The following PPT2 variants were observed in gnomAD, a reference collection of about 807,000 sequenced individuals.
PPT2 encodes lysosomal thioesterase PPT2.
Under a neutral mutation model 37.3 loss-of-function variants are expected in PPT2, and 20 were observed. That is an observed-to-expected ratio of 0.54 (90% confidence interval 0.38 to 0.78). The LOEUF is 0.78. Among genes scored for constraint, PPT2 ranks in the 30% least tolerant of loss-of-function variants. The pLI is 0.00. For synonymous variants in PPT2, 135 were observed against 159.1 expected, an observed-to-expected ratio of 0.85 and a Z score of 1.14; for missense variants, 270 against 389.8, an observed-to-expected ratio of 0.69 and a Z score of 2.59.
chr6:32,162,964 G>T lies in PPT2; in HGVS notation c.*14G>T, dbSNP rs769773534. 6.2e-7 allele frequency: 1 copy of T among 1,605,218 alleles called. No individual in the cohort carries two copies. The highest frequency in any genetic ancestry group is 1.1e-5 in the South Asian group (1 of 89,714). ...TGGCTCTCCTGAGGATATATTCAGG[G>T]GTCCCCAGGAACTCCTCGGTCCAGA... On this transcript the variant is annotated 3_prime_UTR_variant, in exon 9 of 9. Transcript: ENST00000324816. This position sits in a 1 kb window ranked among gnomAD's most constrained non-coding sequence, Gnocchi z 5.5.
rs373180288 is a variant in PPT2 at position 32,155,824 on chromosome 6, G to A, written c.433+41G>A. ...ACTCCATAGAATGCCCTGAGTTTTGGGGGAACAGAGGTTTATGGTCACTTA... is the reference window on the plus strand; with the variant it reads ...ACTCCATAGAATGCCCTGAGTTTTGAGGGAACAGAGGTTTATGGTCACTTA... On this transcript the variant is annotated intron_variant, in intron 4 of 8. Coordinates refer to ENST00000324816, the MANE Select transcript of PPT2 (RefSeq NM_005155.7). This position sits in a 1 kb window ranked among gnomAD's most constrained non-coding sequence, Gnocchi z 4.3. The A allele has an allele frequency of 2.5e-6, 4 of 1,610,948 alleles. No homozygotes were observed. The African/African-American group carries it at 5.3e-5, about 21-fold the overall frequency.
rs200761548 is a variant in PPT2 at position 32,162,745 on chromosome 6, C to T, written c.766-62C>T. 2.9e-4 allele frequency: 456 copies of T among 1,595,856 alleles called. 1 individual carries two copies. The highest frequency in any genetic ancestry group is 2.5e-3 in the Middle Eastern group (15 of 6,014). On this transcript the variant is annotated intron_variant, in intron 8 of 8. Coordinates refer to ENST00000324816, the MANE Select transcript of PPT2 (RefSeq NM_005155.7). The surrounding 1 kb of genome is among the most constrained non-coding windows in gnomAD (Gnocchi z 5.5). ...AGGAGGTCCAGGATCCCAGCAGTAACTCACTTTGTCTCTCCTTGTGTCTCT... is the reference window on the plus strand; with the variant it reads ...AGGAGGTCCAGGATCCCAGCAGTAATTCACTTTGTCTCTCCTTGTGTCTCT...
intron 7 of PPT2, 52 bp downstream of exon 7, chr6:32,157,976 C>T: frequency 6.8e-7 from 1 of 1,475,492 alleles, no homozygotes; most frequent in Non-Finnish European, 9.4e-7. Flanking sequence ...CCCCCAACCC[C>T]AGTTGGTCTT....
Position 32,162,982 on chromosome 6 carries a change from G to A in PPT2, c.*32G>A, listed in dbSNP as rs1273309946. The A allele has an allele frequency of 1.1e-5, 18 of 1,591,584 alleles. No individual in the cohort carries two copies. The highest frequency in any genetic ancestry group is 3.4e-5 in the South Asian group (3 of 88,288). On this transcript the variant is annotated 3_prime_UTR_variant, in exon 9 of 9. Transcript: ENST00000324816. The surrounding 1 kb of genome is among the most constrained non-coding windows in gnomAD (Gnocchi z 5.5). ...ATTCAGGGGTCCCCAGGAACTCCTC[G>A]GTCCAGAGACCAAGTGGTGGCCTTG...
intron 7 of PPT2, among the ~76,000 whole-genome samples, chr6:32,159,134 G>A (rs538301655): frequency 4.5e-4 from 68 of 151,928 alleles, no homozygotes; most frequent in Non-Finnish European, 8.5e-4. Flanking sequence ...AACTGAAACC[G>A]TATACCCATT....
Position 32,163,224 on chromosome 6 carries a change from G to A in PPT2, c.*274G>A. 1 of 443,706 alleles carries A rather than the reference G, an allele frequency of 2.3e-6. No individual in the cohort carries two copies. Among genetic ancestry groups the A allele is most frequent in the Admixed American group, 3.9e-5 (1 of 25,700 alleles). The allele number at this position is 443,706 out of a possible 1,614,324, so 27.5% of individuals were successfully genotyped here. ...TCCCTTTCTCTCAAGGCCGAAGTTGGGAAGTGAGAAACCATGTTTTTAACT... is the reference window on the plus strand; with the variant it reads ...TCCCTTTCTCTCAAGGCCGAAGTTGAGAAGTGAGAAACCATGTTTTTAACT... On this transcript the variant is annotated 3_prime_UTR_variant, in exon 9 of 9. Transcript: ENST00000324816.
In PPT2 at chr6:32,162,227, C is replaced by G. The variant is rs1349402866; in HGVS notation, c.711-341C>G. Among the ~76,000 whole-genome samples, 1 of 151,658 alleles carries G rather than the reference C, an allele frequency of 6.6e-6. No individual in the cohort carries two copies. Among genetic ancestry groups the G allele is most frequent in the Non-Finnish European group, 1.5e-5 (1 of 67,900 alleles). On this transcript the variant is annotated intron_variant, in intron 7 of 8. Transcript: ENST00000324816. The surrounding 1 kb of genome is among the most constrained non-coding windows in gnomAD (Gnocchi z 5.5). Reference sequence around the variant, plus strand: ...TCTTTTTTCTTTCCTTTTTCCTTTCCTTTCCTTTTTGAGATGGGGTCCCGC... The same window carrying G: ...TCTTTTTTCTTTCCTTTTTCCTTTCGTTTCCTTTTTGAGATGGGGTCCCGC...
upstream of PPT2, chr6:32,153,829 C>T (rs1351901513): frequency 1.5e-5 from 16 of 1,038,330 alleles, no homozygotes; most frequent in Non-Finnish European, 2.7e-6. The surrounding 1 kb of genome is among the most constrained non-coding windows in gnomAD (Gnocchi z 4.4). Flanking sequence ...TGCTGCGGAG[C>T]CAGACGCCTG....
upstream of PPT2, chr6:32,153,833 A>G: frequency 9.6e-7 from 1 of 1,038,670 alleles, no homozygotes; most frequent in Middle Eastern, 3.2e-4. The surrounding 1 kb of genome is among the most constrained non-coding windows in gnomAD (Gnocchi z 4.4). Context: ...GCGGAGCCAG[A>G]CGCCTGTATT....
At chr6:32,158,224 C>A in intron 7 of PPT2, 1 of 376,240 alleles carries the variant, frequency 2.7e-6, no homozygotes, top group Non-Finnish European at 4.8e-6. Flanking sequence ...GATAGTATAG[C>A]AAGGCCCTTC....
In PPT2 at chr6:32,162,555, A is replaced by G. The variant is rs1253194790; in HGVS notation, c.711-13A>G. 6.2e-7 allele frequency: 1 copy of G among 1,604,678 alleles called. No individual in the cohort carries two copies. Among genetic ancestry groups the G allele is most frequent in the Non-Finnish European group, 8.5e-7 (1 of 1,171,646 alleles). On this transcript the variant is annotated splice_polypyrimidine_tract_variant and intron_variant, in intron 7 of 8. Transcript: ENST00000324816. This position sits in a 1 kb window ranked among gnomAD's most constrained non-coding sequence, Gnocchi z 5.5. ...CAGCTCTTCTGATAACCTCCCCCCA[A>G]ATCTCTTTGTAGCTTCTTTGGTTTC... is the stretch of plus-strand genomic sequence containing the variant.
intron 7 of PPT2, among the ~76,000 whole-genome samples, chr6:32,159,453 T>A (rs6905227): frequency 0.64 from 48,311 of 74,994 alleles, 14,918 homozygotes; most frequent in East Asian, 0.68. Flanking sequence ...AAAAAAAAAA[T>A]ATATATATAT....
rs1309124082 is a variant in PPT2, at chr6:32,155,551, T to A, written c.338-137T>A. The A allele has an allele frequency of 5.1e-6, 4 of 781,362 alleles. No individual in the cohort carries two copies. The African/African-American group carries it at 5.2e-5, about 10-fold the overall frequency. 48.4% of individuals were successfully genotyped at this position (781,362 alleles called of 1,614,324 possible). ...TGCCTGCCTTCTGTAAGCCTCAGTC[T>A]CCTTTGTGTACAGTGTGTGTCTGTG... On this transcript the variant is annotated intron_variant, in intron 3 of 8. Coordinates refer to ENST00000324816, the MANE Select transcript of PPT2 (RefSeq NM_005155.7). The surrounding 1 kb of genome is among the most constrained non-coding windows in gnomAD (Gnocchi z 4.3).
At position 32,163,052 on chromosome 6, in the gene PPT2, C is replaced by A; in HGVS notation, c.*102C>A. ...TGGTGTGCCTGTGACCACCTCATTG[C>A]TCCCATATTATCCCCCATTTTTAGT... On this transcript the variant is annotated 3_prime_UTR_variant, in exon 9 of 9. Transcript: ENST00000324816. 7.5e-7 allele frequency: 1 copy of A among 1,328,274 alleles called. No individual in the cohort carries two copies. The highest frequency in any genetic ancestry group is 1.0e-6 in the Non-Finnish European group (1 of 962,988). The allele number at this position is 1,328,274 out of a possible 1,614,324, so 82.3% of individuals were successfully genotyped here. A position where few individuals can be genotyped will look rare whatever the true frequency, so the allele number is the denominator to read the frequency against.
intron 7 of PPT2, among the ~76,000 whole-genome samples, chr6:32,159,474 C>T (rs934932000): frequency 1.7e-4 from 22 of 132,312 alleles, no homozygotes; most frequent in Non-Finnish European, 2.7e-4. Flanking sequence ...ATATATATAT[C>T]CTCATCCCTA....
Position 32,162,138 on chromosome 6 carries a change from C to CA in PPT2, c.711-429dup, listed in dbSNP as rs1234320391. ...GTGTCCTCCCTGCTACCTGTCTCCC[C>CA]AGTAGGCCTTGGGTTCCTTTGGGAC... On this transcript the variant is annotated intron_variant, in intron 7 of 8. Transcript: ENST00000324816. The surrounding 1 kb of genome is among the most constrained non-coding windows in gnomAD (Gnocchi z 5.5). 6.6e-6 allele frequency among the ~76,000 whole-genome samples: 1 copy of CA among 152,236 alleles called. No homozygotes were observed. Among genetic ancestry groups the CA allele is most frequent in the African/African-American group, 2.4e-5 (1 of 41,460 alleles).
rs1784272354 is a variant in PPT2 at position 32,163,059 on chromosome 6, A to G, written c.*109A>G. 4.7e-6 allele frequency: 6 copies of G among 1,276,342 alleles called. 2 individuals are homozygous for G. The South Asian group carries it at 8.6e-5, about 18-fold the overall frequency. The allele number at this position is 1,276,342 out of a possible 1,614,324, so 79.1% of individuals were successfully genotyped here. A position where few individuals can be genotyped will look rare whatever the true frequency, so the allele number is the denominator to read the frequency against. ...CCTGTGACCACCTCATTGCTCCCATATTATCCCCCATTTTTAGTAGAGACG... is the reference window on the plus strand; with the variant it reads ...CCTGTGACCACCTCATTGCTCCCATGTTATCCCCCATTTTTAGTAGAGACG... On this transcript the variant is annotated 3_prime_UTR_variant, in exon 9 of 9. Transcript: ENST00000324816.
intron 7 of PPT2, among the ~76,000 whole-genome samples, chr6:32,159,479 T>C (rs1391641777): frequency 7.1e-6 from 1 of 140,614 alleles, no homozygotes; most frequent in South Asian, 2.3e-4. Flanking sequence ...TATATCCTCA[T>C]CCCTATTTCC....
rs1033845669 is a variant in PPT2, at chr6:32,154,910, G to A, written c.184-120G>A. On this transcript the variant is annotated intron_variant, in intron 2 of 8. Transcript: ENST00000324816. The surrounding 1 kb of genome is among the most constrained non-coding windows in gnomAD (Gnocchi z 7.3). Reference sequence around the variant, plus strand: ...GGAGCTGGTGCTGGCGTGGGGGAGAGTTGGGGGACGGGATCCCTGGTTCTA... The same window carrying A: ...GGAGCTGGTGCTGGCGTGGGGGAGAATTGGGGGACGGGATCCCTGGTTCTA... 1.3e-5 allele frequency: 20 copies of A among 1,539,496 alleles called. No individual in the cohort carries two copies. In the South Asian group the frequency reaches 1.5e-4, roughly 12 times the overall value.
Sources: allele counts gnomAD v4.1 joint callset (sites outside exome capture counted in the v4.1 genomes callset), GRCh38; gene constraint gnomAD v4.1.1; non-coding constraint Gnocchi (gnomAD v3.1); transcripts MANE v1.5; gene names NCBI Gene and HGNC (gene_info 2026-07-23, HGNC 2026-07-21).